Variants in POMK observed in about 807,000 individuals in gnomAD.
The protein encoded by POMK is protein O-mannose kinase.
Under a neutral mutation model 23.0 loss-of-function variants are expected in POMK, and 19 were observed. The ratio of observed to expected loss-of-function variants is 0.83; its 90% CI spans 0.58 to 1.21. The LOEUF is 1.21. Among genes scored for constraint, POMK ranks in the 50% most tolerant of loss-of-function variants. The pLI, the probability that POMK is intolerant of heterozygous loss-of-function variation, is 0.00. For synonymous variants in POMK, 173 were observed against 171.6 expected, an observed-to-expected ratio of 1.01 and a Z score of -0.06; for missense variants, 410 against 431.3, an observed-to-expected ratio of 0.95 and a Z score of 0.44.
At chr8:43,101,332 G>GAC (rs527578415) in intron 2 of POMK, among the ~76,000 whole-genome samples, 155 of 150,126 alleles carry the variant, frequency 1.0e-3, no homozygotes, top group Non-Finnish European at 1.9e-3. Context: ...AGGCAGAGGT[G>GAC]ACAGGATTGC....
intron 4 of POMK, among the ~76,000 whole-genome samples, chr8:43,111,144 G>A (rs1355710095): frequency 6.6e-6 from 1 of 152,178 alleles, no homozygotes; most frequent in African/African-American, 2.4e-5. Context: ...CCCGGGAAGC[G>A]TAAGGAGTCA....
In POMK at chr8:43,099,957, C is replaced by T. The variant is rs1027610689; in HGVS notation, c.-118+2342C>T. On this transcript the variant is annotated intron_variant, in intron 2 of 4. Transcript: ENST00000331373. ...AGCTTCCAGCTAGCCTAAGGCCACT[C>T]GGGACACACCTATCACTTTTATTGA... 3.9e-5 allele frequency among the ~76,000 whole-genome samples: 6 copies of T among 152,130 alleles called. No individual in the cohort carries two copies. In the South Asian group the frequency reaches 8.3e-4, roughly 21 times the overall value.
chr8:43,117,512 G>A (rs566045784), intron 4 of POMK, among the ~76,000 whole-genome samples: 2 of 152,230 alleles, frequency 1.3e-5, no homozygotes, highest in East Asian at 1.9e-4. Flanking sequence ...GAAAATCTGT[G>A]TGTAAGTGGA....
At position 43,097,505 on chromosome 8, in the gene POMK, G is replaced by A. The variant is rs1361676334; in HGVS notation, c.-209-19G>A. ...AATGCTTATGATTTTTTTTTTCTCT[G>A]TGTGTGAAACACTTAAAGAAAAAGG... On this transcript the variant is annotated intron_variant, in intron 1 of 4. Transcript: ENST00000331373. 1 of 151,160 alleles carries A rather than the reference G, an allele frequency of 6.6e-6. No individual in the cohort carries two copies. Among genetic ancestry groups the A allele is most frequent in the South Asian group, 2.1e-4 (1 of 4,816 alleles). 9.4% of individuals were successfully genotyped at this position (151,160 alleles called of 1,614,324 possible).
At chr8:43,105,994 C>A (rs1007393878) in intron 4 of POMK, among the ~76,000 whole-genome samples, 2 of 152,140 alleles carry the variant, frequency 1.3e-5, no homozygotes, top group Admixed American at 1.3e-4. Context: ...ATTTCCTTTC[C>A]TTTGGATATA....
At chr8:43,101,592 G>A (rs1201949274) in intron 2 of POMK, among the ~76,000 whole-genome samples, 1 of 152,100 alleles carries the variant, frequency 6.6e-6, no homozygotes, top group Non-Finnish European at 1.5e-5. Flanking sequence ...GAGACTACCA[G>A]GTTAACATAG....
At chr8:43,094,332 C>T (rs1811288087) in intron 1 of POMK, among the ~76,000 whole-genome samples, 2 of 151,886 alleles carry the variant, frequency 1.3e-5, no homozygotes, top group South Asian at 4.2e-4. Flanking sequence ...CTACTGGGTC[C>T]GGCAGAGGCT....
At chr8:43,107,717 G>T (rs1175039049) in intron 4 of POMK, among the ~76,000 whole-genome samples, 2 of 150,250 alleles carry the variant, frequency 1.3e-5, no homozygotes, top group African/African-American at 4.9e-5. Flanking sequence ...GTCTTGCTCC[G>T]TCACCCAGGC....
intron 4 of POMK, among the ~76,000 whole-genome samples, chr8:43,114,760 G>C (rs1276727388): frequency 6.6e-6 from 1 of 151,918 alleles, no homozygotes; most frequent in African/African-American, 2.4e-5. Context: ...TTGCCCCTTC[G>C]ATGCTTTGAG....
chr8:43,096,638 A>C lies in POMK; in HGVS notation c.-209-886A>C, dbSNP rs1298850678. Among the ~76,000 whole-genome samples the C allele has an allele frequency of 3.3e-5, 5 of 151,242 alleles. No individual in the cohort carries two copies. The East Asian group carries it at 9.8e-4, about 30-fold the overall frequency. On this transcript the variant is annotated intron_variant, in intron 1 of 4. Coordinates refer to ENST00000331373, the MANE Select transcript of POMK (RefSeq NM_032237.5). ...CAGTGAGCTGAGATTGTGCTATAGCACTCCAGCCTGGTGACAGAGTGAGAC... is the reference window on the plus strand; with the variant it reads ...CAGTGAGCTGAGATTGTGCTATAGCCCTCCAGCCTGGTGACAGAGTGAGAC...
chr8:43,112,583 G>A (rs1016069225), intron 4 of POMK, among the ~76,000 whole-genome samples: 3 of 152,018 alleles, frequency 2.0e-5, no homozygotes, highest in African/African-American at 7.3e-5. Flanking sequence ...GATACTCCTC[G>A]AGAAGAGCAA....
intron 4 of POMK, among the ~76,000 whole-genome samples, chr8:43,111,242 C>T (rs879696832): frequency 1.2e-4 from 19 of 152,276 alleles, no homozygotes; most frequent in African/African-American, 3.4e-4. Flanking sequence ...ACTTTTCCAG[C>T]GAGCTCAACA....
chr8:43,102,262 A>G (rs145486760), intron 2 of POMK, among the ~76,000 whole-genome samples: 255 of 152,318 alleles, frequency 1.7e-3, no homozygotes, highest in African/African-American at 5.9e-3. Flanking sequence ...TGCTCAGGAC[A>G]TGTTGCGGGA....
At chr8:43,121,877 T>C (rs776089892) in intron 4 of POMK, among the ~76,000 whole-genome samples, 2 of 152,254 alleles carry the variant, frequency 1.3e-5, no homozygotes, top group Non-Finnish European at 2.9e-5. Flanking sequence ...GGCAATCGCT[T>C]CCTGCCCTGA....
intron 4 of POMK, 84 bp from the exon 5 acceptor site, chr8:43,122,023 T>A: frequency 7.6e-7 from 1 of 1,322,398 alleles, no homozygotes; most frequent in Non-Finnish European, 1.1e-6. Flanking sequence ...GCAGAACACC[T>A]GCCACTTAAA....
In POMK at chr8:43,117,540, C is replaced by T. The variant is rs986762211; in HGVS notation, c.283-4567C>T. 4.6e-5 allele frequency among the ~76,000 whole-genome samples: 7 copies of T among 152,108 alleles called. No homozygotes were observed. In the South Asian group the frequency reaches 1.0e-3, roughly 23 times the overall value. ...TAAGTGGAACTGCGCAGTTCAAACC[C>T]GTGTTGTTCAAGGGTCAAGTATATA... is the stretch of plus-strand genomic sequence containing the variant. On this transcript the variant is annotated intron_variant, in intron 4 of 4. Coordinates refer to ENST00000331373, the MANE Select transcript of POMK (RefSeq NM_032237.5).
At chr8:43,097,974 G>A (rs1586669243) in intron 2 of POMK, among the ~76,000 whole-genome samples, 1 of 152,304 alleles carries the variant, frequency 6.6e-6, no homozygotes, top group Non-Finnish European at 1.5e-5. Context: ...AGTGTCCCAG[G>A]TGTGGGTGAG....
chr8:43,108,372 A>G (rs908925707), intron 4 of POMK, among the ~76,000 whole-genome samples: 1 of 152,230 alleles, frequency 6.6e-6, no homozygotes, highest in Non-Finnish European at 1.5e-5. Flanking sequence ...ACAAAAGAAA[A>G]CAGATTCTTA....
intron 4 of POMK, among the ~76,000 whole-genome samples, chr8:43,104,799 C>G (rs149383670): frequency 6.6e-6 from 1 of 152,016 alleles, no homozygotes; most frequent in Non-Finnish European, 1.5e-5. Flanking sequence ...CAAAAATTAG[C>G]CTGGCATAAT....
Sources: allele counts gnomAD v4.1 joint callset (sites outside exome capture counted in the v4.1 genomes callset), GRCh38; gene constraint gnomAD v4.1.1; transcripts MANE v1.5; gene names NCBI Gene and HGNC (gene_info 2026-07-23, HGNC 2026-07-21).